Variants in PPP3R1 observed in about 807,000 individuals in gnomAD.
PPP3R1 encodes protein phosphatase 3 regulatory subunit B, alpha.
Under a neutral mutation model 22.6 loss-of-function variants are expected in PPP3R1, and 5 were observed. That is an observed-to-expected ratio of 0.22 (90% confidence interval 0.12 to 0.46). PPP3R1 has a LOEUF of 0.46. PPP3R1 is among the 20% of genes least tolerant of loss of function. PPP3R1 has a pLI of 0.99. For missense variants in PPP3R1, 61 were observed against 203.2 expected, an observed-to-expected ratio of 0.30 and a Z score of 4.25; for synonymous variants, 56 against 65.2, an observed-to-expected ratio of 0.86 and a Z score of 0.68.
chr2:68,209,209 A>T (rs185940010), intron 2 of PPP3R1, among the ~76,000 whole-genome samples: 3,964 of 149,444 alleles, frequency 0.027, 161 homozygotes, highest in African/African-American at 0.093. Flanking sequence ...ATACAAAAAA[A>T]TTAGCCGGGC....
chr2:68,207,045 T>C (rs1224527330), intron 2 of PPP3R1, among the ~76,000 whole-genome samples: 2 of 148,612 alleles, frequency 1.3e-5, no homozygotes, highest in Non-Finnish European at 3.0e-5. Flanking sequence ...AATCTTATAA[T>C]ATGAAAGCAC....
intron 1 of PPP3R1, among the ~76,000 whole-genome samples, chr2:68,222,267 T>C (rs1272077251): frequency 1.3e-5 from 2 of 152,184 alleles, no homozygotes; most frequent in Non-Finnish European, 2.9e-5. Flanking sequence ...TACAGCATGG[T>C]ATATTAAAGA....
At chr2:68,204,712 A>G (rs917302106) in intron 2 of PPP3R1, among the ~76,000 whole-genome samples, 11 of 152,338 alleles carry the variant, frequency 7.2e-5, no homozygotes, top group Admixed American at 2.0e-4. Context: ...ACCATTATGG[A>G]TTGTTATTAT....
chr2:68,204,599 T>C (rs902087926), intron 2 of PPP3R1, among the ~76,000 whole-genome samples: 2 of 152,148 alleles, frequency 1.3e-5, no homozygotes, highest in African/African-American at 2.4e-5. Context: ...ATCTGTACAA[T>C]GGGGAAAGTA....
intron 1 of PPP3R1, among the ~76,000 whole-genome samples, chr2:68,234,200 G>C (rs967515029): frequency 6.6e-6 from 1 of 152,028 alleles, no homozygotes; most frequent in African/African-American, 2.4e-5. Context: ...AAAATTAGTC[G>C]GGCATGGTGG....
At chr2:68,240,350 T>C (rs1670097205) in intron 1 of PPP3R1, among the ~76,000 whole-genome samples, 1 of 152,328 alleles carries the variant, frequency 6.6e-6, no homozygotes. Context: ...TCTGTTCTGA[T>C]TCTGAGAGCT....
intron 1 of PPP3R1, among the ~76,000 whole-genome samples, chr2:68,244,447 C>G (rs1242771261): frequency 6.6e-6 from 1 of 152,188 alleles, no homozygotes; most frequent in Non-Finnish European, 1.5e-5. Context: ...AATTAACTTG[C>G]CTCAAATTAT....
At chr2:68,226,490 A>T (rs1295583972) in intron 1 of PPP3R1, among the ~76,000 whole-genome samples, 1 of 152,178 alleles carries the variant, frequency 6.6e-6, no homozygotes, top group Admixed American at 6.5e-5. Context: ...CAAAATTCAA[A>T]CTATATGGAT....
chr2:68,211,182 G>A (rs545304249), intron 2 of PPP3R1, among the ~76,000 whole-genome samples: 36 of 152,118 alleles, frequency 2.4e-4, no homozygotes, highest in African/African-American at 8.2e-4. Context: ...CGAGACAGGC[G>A]GATCACAAGG....
chr2:68,191,320 CT>C (rs1467941183), intron 2 of PPP3R1, among the ~76,000 whole-genome samples: 1 of 152,210 alleles, frequency 6.6e-6, no homozygotes, highest in Non-Finnish European at 1.5e-5. Context: ...TCTTACTGTA[CT>C]GAATACTGTA....
intron 2 of PPP3R1, among the ~76,000 whole-genome samples, chr2:68,206,520 G>C (rs552503636): frequency 6.6e-6 from 1 of 152,194 alleles, no homozygotes; most frequent in Non-Finnish European, 1.5e-5. Flanking sequence ...AGTTTGGGTA[G>C]AATGCTGATG....
At chr2:68,243,910 AAAGG>A (rs1486910351) in intron 1 of PPP3R1, among the ~76,000 whole-genome samples, 1 of 152,140 alleles carries the variant, frequency 6.6e-6, no homozygotes, top group Admixed American at 6.5e-5. Flanking sequence ...GCGGGAAAAA[AAAGG>A]AAGGAAAAAA....
intron 1 of PPP3R1, among the ~76,000 whole-genome samples, chr2:68,242,239 C>A (rs1466470011): frequency 6.6e-6 from 1 of 152,036 alleles, no homozygotes; most frequent in East Asian, 1.9e-4. Context: ...CTAGCCTGAT[C>A]AACATGGTGA....
At chr2:68,224,123 A>G (rs1255631214) in intron 1 of PPP3R1, among the ~76,000 whole-genome samples, 1 of 152,200 alleles carries the variant, frequency 6.6e-6, no homozygotes, top group Non-Finnish European at 1.5e-5. Context: ...CATAGCTAAG[A>G]AAGAGATCTA....
At chr2:68,218,087 G>A (rs1216955280) in intron 1 of PPP3R1, among the ~76,000 whole-genome samples, 1 of 152,150 alleles carries the variant, frequency 6.6e-6, no homozygotes, top group Non-Finnish European at 1.5e-5. Flanking sequence ...AGTTTTTAAA[G>A]TTCAGTGGTA....
At chr2:68,222,101 T>C (rs1006369105) in intron 1 of PPP3R1, among the ~76,000 whole-genome samples, 1 of 152,202 alleles carries the variant, frequency 6.6e-6, no homozygotes, top group Non-Finnish European at 1.5e-5. Context: ...CATGTTTAAA[T>C]GTCTTTAAAA....
chr2:68,252,145 C>CGGCTCGCT lies in PPP3R1; in HGVS notation c.-26_-19dup, dbSNP rs568956761. ...CTCACCATTTTGCTCGGCGGGTCGGCGGCTCGCTGGCTCGCTGGCTCGGAG... is the reference window on the plus strand; with the variant it reads ...CTCACCATTTTGCTCGGCGGGTCGGCGGCTCGCTGGCTCGCTGGCTCGCTGGCTCGGAG... On this transcript the variant is annotated 5_prime_UTR_variant, in exon 1 of 6. Coordinates refer to ENST00000234310, the MANE Select transcript of PPP3R1 (RefSeq NM_000945.4). 119 of 1,426,318 alleles carry CGGCTCGCT rather than the reference C, an allele frequency of 8.3e-5. 1 individual carries two copies. Among genetic ancestry groups the CGGCTCGCT allele is most frequent in the South Asian group, 3.2e-4 (23 of 72,954 alleles). The allele number at this position is 1,426,318 out of a possible 1,614,324, so 88.4% of individuals were successfully genotyped here.
intron 2 of PPP3R1, among the ~76,000 whole-genome samples, chr2:68,214,564 T>C (rs147034210): frequency 0.011 from 1,727 of 152,020 alleles, 27 homozygotes; most frequent in African/African-American, 0.04. Context: ...GAAATGCAAA[T>C]CAAAACCACA....
At chr2:68,228,776 A>T (rs947749225) in intron 1 of PPP3R1, among the ~76,000 whole-genome samples, 4 of 151,862 alleles carry the variant, frequency 2.6e-5, no homozygotes, top group Admixed American at 1.3e-4. Flanking sequence ...AAATGTGTGC[A>T]TTTAGTGGTA....
Sources: allele counts gnomAD v4.1 joint callset (sites outside exome capture counted in the v4.1 genomes callset), GRCh38; gene constraint gnomAD v4.1.1; transcripts MANE v1.5; gene names NCBI Gene and HGNC (gene_info 2026-07-23, HGNC 2026-07-21).